AVL9: variants seen among roughly 807,000 people sequenced by gnomAD.
AVL9 encodes AVL9 cell migration associated, also known as late secretory pathway protein AVL9 homolog.
AVL9 carries 49 observed loss-of-function variants against 79.2 expected under a neutral mutation model. The ratio of observed to expected loss-of-function variants is 0.62; its 90% CI spans 0.49 to 0.79. The LOEUF (loss-of-function observed/expected upper bound fraction) is 0.79, where lower values mean the gene tolerates loss of function less well. AVL9 is among the 30% of genes least tolerant of loss of function. The probability of loss-of-function intolerance (pLI) is 0.00; values close to 1 mark genes in which losing one functional copy is unlikely to be tolerated. For synonymous variants in AVL9, 299 were observed against 280.6 expected (o/e 1.07, Z -0.65); for missense variants, 682 against 776.8 (o/e 0.88, Z 1.45).
rs1562802205 is a variant in AVL9, at chr7:32,579,535, ATTATATATTATATAT to A, written c.1689-682_1689-668del. On this transcript the variant is annotated intron_variant, in intron 13 of 15. Transcript: ENST00000318709. ...TATTATATTATATATTATATATTAT[ATTATATATTATATAT>A]TATATATTATATTATATATTATATT... Among the ~76,000 whole-genome samples, 4 of 5,410 alleles carry A rather than the reference ATTATATATTATATAT, an allele frequency of 7.4e-4. 1 individual carries two copies. Among genetic ancestry groups the A allele is most frequent in the Admixed American group, 9.2e-3 (2 of 218 alleles). The allele number at this position is 5,410 out of a possible 152,430, so 3.5% of individuals were successfully genotyped here. A position where few individuals can be genotyped will look rare whatever the true frequency, so the allele number is the denominator to read the frequency against.
chr7:32,570,274 A>G, intron 11 of AVL9, 120 bp downstream of exon 11: 3 of 1,308,844 alleles, frequency 2.3e-6, no homozygotes, highest in East Asian at 2.3e-5. Context: ...ACTGTATGCC[A>G]TGTATTCTAA....
chr7:32,521,341 A>G (rs1351804877), intron 1 of AVL9, among the ~76,000 whole-genome samples: 4 of 152,174 alleles, frequency 2.6e-5, no homozygotes, highest in Non-Finnish European at 5.9e-5. Flanking sequence ...TGCCCAAAAT[A>G]CTGATAACGA....
intron 13 of AVL9, among the ~76,000 whole-genome samples, chr7:32,576,559 A>G (rs1440038817): frequency 6.6e-6 from 1 of 151,912 alleles, no homozygotes; most frequent in Non-Finnish European, 1.5e-5. Context: ...CGAGGTGGGC[A>G]GATCACCTGA....
chr7:32,544,038 C>T (rs1378170180), intron 2 of AVL9, among the ~76,000 whole-genome samples: 1 of 151,836 alleles, frequency 6.6e-6, no homozygotes, highest in African/African-American at 2.4e-5. Context: ...TGGTTATAGA[C>T]GTGAGCCACT....
chr7:32,512,668 A>T (rs67739505), intron 1 of AVL9, among the ~76,000 whole-genome samples: 36,444 of 152,100 alleles, frequency 0.24, 5,019 homozygotes, highest in Admixed American at 0.34. Flanking sequence ...ACCAGAAACA[A>T]AAGGCCAAAG....
At chr7:32,550,316 C>CAG (rs34734823) in intron 4 of AVL9, among the ~76,000 whole-genome samples, 94,513 of 151,562 alleles carry the variant, frequency 0.62, 29,678 homozygotes, top group Admixed American at 0.71. Context: ...AGGCATATCT[C>CAG]AGAAAAAATG....
chr7:32,530,989 T>G (rs2128128475), intron 1 of AVL9, among the ~76,000 whole-genome samples: 1 of 152,094 alleles, frequency 6.6e-6, no homozygotes, highest in Middle Eastern at 3.4e-3. Context: ...AGAACAGAAG[T>G]TGAGGACTGC....
intron 1 of AVL9, among the ~76,000 whole-genome samples, chr7:32,500,501 A>C (rs1384216265): frequency 6.6e-6 from 1 of 152,064 alleles, no homozygotes; most frequent in Non-Finnish European, 1.5e-5. Context: ...TCAGATGGGT[A>C]GATTGCAAAA....
At chr7:32,550,780 C>T (rs909784533) in intron 4 of AVL9, among the ~76,000 whole-genome samples, 8 of 151,942 alleles carry the variant, frequency 5.3e-5, no homozygotes, top group African/African-American at 1.9e-4. Flanking sequence ...TGTGAGCCTC[C>T]ACAGAGGACA....
intron 10 of AVL9, among the ~76,000 whole-genome samples, chr7:32,568,005 C>A (rs1390556121): frequency 6.6e-6 from 1 of 151,566 alleles, no homozygotes; most frequent in African/African-American, 2.4e-5. Flanking sequence ...CAGGTGTGAG[C>A]CATCGCGCCC....
Position 32,552,373 on chromosome 7 carries a change from T to G in AVL9, c.529+78T>G, listed in dbSNP as rs369994778. ...GCAAACTGAGTTGCGTGTAAAACTT[T>G]GATTAGAATTACATCTCTATATGGG... On this transcript the variant is annotated intron_variant, in intron 6 of 15. Transcript: ENST00000318709. The G allele has an allele frequency of 1.6e-4, 132 of 826,190 alleles. No individual in the cohort carries two copies. In the African/African-American group the frequency reaches 2.1e-3, roughly 13 times the overall value. The allele number at this position is 826,190 out of a possible 1,614,324, so 51.2% of individuals were successfully genotyped here.
At chr7:32,515,075 A>G (rs536550200) in intron 1 of AVL9, among the ~76,000 whole-genome samples, 1 of 152,290 alleles carries the variant, frequency 6.6e-6, no homozygotes, top group South Asian at 2.1e-4. Flanking sequence ...ACACAGTAAC[A>G]ATCTGATCTC....
chr7:32,499,317 T>C (rs1362319832), intron 1 of AVL9, among the ~76,000 whole-genome samples: 1 of 151,808 alleles, frequency 6.6e-6, no homozygotes, highest in Non-Finnish European at 1.5e-5. Flanking sequence ...ACTACCAAAA[T>C]TTTTTGCTAA....
At chr7:32,553,460 C>T (rs73303557) in intron 6 of AVL9, among the ~76,000 whole-genome samples, 7 of 152,102 alleles carry the variant, frequency 4.6e-5, no homozygotes, top group African/African-American at 1.4e-4. Flanking sequence ...GTCTCAGTCA[C>T]ACATGCCACA....
At chr7:32,521,472 C>T (rs992008538) in intron 1 of AVL9, among the ~76,000 whole-genome samples, 5 of 152,066 alleles carry the variant, frequency 3.3e-5, no homozygotes, top group African/African-American at 1.2e-4. Context: ...TGCCTCTGCC[C>T]TAGACATTTG....
intron 3 of AVL9, among the ~76,000 whole-genome samples, chr7:32,548,144 C>CTCTCTTTT (rs1227025763): frequency 1.4e-4 from 8 of 57,588 alleles, no homozygotes; most frequent in African/African-American, 3.8e-4. Flanking sequence ...TTTGTCATCT[C>CTCTCTTTT]TTTTTTCTTT....
intron 10 of AVL9, among the ~76,000 whole-genome samples, chr7:32,567,508 T>TA (rs954577919): frequency 6.6e-6 from 1 of 152,156 alleles, no homozygotes; most frequent in Non-Finnish European, 1.5e-5. Flanking sequence ...GCATCGCTAA[T>TA]AAAAAGTCTC....
chr7:32,540,965 C>T (rs1430501554), intron 1 of AVL9, among the ~76,000 whole-genome samples: 3 of 133,646 alleles, frequency 2.2e-5, no homozygotes, highest in Non-Finnish European at 4.6e-5. Flanking sequence ...GTGGCGGGAT[C>T]TTGGCTCACT....
chr7:32,572,871 T>G (rs201710184), intron 11 of AVL9, among the ~76,000 whole-genome samples: 1 of 152,098 alleles, frequency 6.6e-6, no homozygotes, highest in East Asian at 1.9e-4. Context: ...GAATTATACT[T>G]GTTAAATGTG....
Sources: gnomAD v4.1 joint callset for allele counts (sites outside exome capture counted in the v4.1 genomes callset) on GRCh38, gnomAD v4.1.1 for gene constraint, MANE v1.5 for transcripts, NCBI Gene and HGNC (gene_info 2026-07-23, HGNC 2026-07-21) for gene names.